The following PANX2 variants were observed in gnomAD, a reference collection of about 807,000 sequenced individuals.
PANX2 encodes pannexin-2.
In PANX2, 30 loss-of-function variants were observed where a neutral mutation model predicts 38.7. That is an observed-to-expected ratio of 0.78 (90% CI 0.58 to 1.05). The LOEUF is 1.05. PANX2 is among the 50% of genes least tolerant of loss of function. The pLI is 0.00. For synonymous variants in PANX2, 539 were observed against 472.1 expected, an observed-to-expected ratio of 1.14 and a Z score of -1.84; for missense variants, 880 against 979.3, an observed-to-expected ratio of 0.90 and a Z score of 1.35.
intron 1 of PANX2, chr22:50,175,568 C>G (rs953125420): frequency 3.2e-6 from 2 of 621,768 alleles, no homozygotes; most frequent in African/African-American, 3.9e-5. Flanking sequence ...CAGCTCATCT[C>G]CAGCTCGATG....
Position 50,177,494 on chromosome 22 carries a change from T to A in PANX2, c.782T>A (p.Leu261Gln). The change falls in exon 2 of 3, where the codon CTG becomes CAG. Residue 261 changes from leucine to glutamine, a missense_variant. By Grantham distance (113) the Leu-to-Gln change is moderately radical. Coordinates refer to ENST00000395842, the MANE Select transcript of PANX2 (RefSeq NM_052839.4). The stretch of plus-strand genomic sequence containing the variant: ...AAGCAGAACGAGTTCACCTGCGCGC[T>A]GGGCGCGTCCCCGGACGGGGCGGCA... ...TQKQNEFTCA[L>Q]GASPDGAAGA... 2 of 1,609,646 alleles carry A rather than the reference T, an allele frequency of 1.2e-6. No individual in the cohort carries two copies.
At chr22:50,174,756 G>A (rs2063653125) in intron 1 of PANX2, among the ~76,000 whole-genome samples, 1 of 152,228 alleles carries the variant, frequency 6.6e-6, no homozygotes, top group African/African-American at 2.4e-5. Context: ...AGCAGTCGCT[G>A]CGTGTGGGAT....
chr22:50,177,908 A>T lies in PANX2; in HGVS notation c.1196A>T (p.Asp399Val). ...SNHDATPTVR[D>V]SGVQTVDPSA... ...CACGACGCCACCCCCACGGTGCGCG[A>T]CTCGGGGGTGCAGACCGTGGACCCC... The change falls in exon 2 of 3, where the codon GAC (aspartate) becomes GTC (valine). Residue 399 changes from aspartate (D) to valine (V), a missense_variant. By Grantham distance (152) the Asp-to-Val change is radical. Transcript: ENST00000395842. 6.5e-7 allele frequency: 1 copy of T among 1,530,166 alleles called. No individual in the cohort carries two copies. Among genetic ancestry groups the T allele is most frequent in the Non-Finnish European group, 8.8e-7 (1 of 1,142,182 alleles). 94.8% of individuals were successfully genotyped at this position (1,530,166 alleles called of 1,614,324 possible).
chr22:50,171,473 G>C (rs1444256977), intron 1 of PANX2, among the ~76,000 whole-genome samples: 1 of 152,188 alleles, frequency 6.6e-6, no homozygotes, highest in Non-Finnish European at 1.5e-5. Flanking sequence ...GGCCTCTCCG[G>C]GTGCACTGGG....
Position 50,178,084 on chromosome 22 carries a change from G to A in PANX2, c.1372G>A (p.Glu458Lys), listed in dbSNP as rs1426085519. ...CATGCGCGTGGAGAACAGCAAGGCG[G>A]AGAAGCCGAAGCCCGCGCGCAGGAA... ...AIMRVENSKAEKPKPARRKTA... is the reference protein window; with the variant it reads ...AIMRVENSKAKKPKPARRKTA... The change falls in exon 2 of 3, where the codon GAG becomes AAG. Residue 458 changes from glutamate to lysine, a missense_variant. Physicochemically the swap from Glu to Lys is moderately conservative, Grantham distance 56 (BLOSUM62 1). Transcript: ENST00000395842. 7 of 1,553,024 alleles carry A rather than the reference G, an allele frequency of 4.5e-6. No homozygotes were observed. Among genetic ancestry groups the A allele is most frequent in the Non-Finnish European group, 5.2e-6 (6 of 1,157,884 alleles).
At position 50,177,713 on chromosome 22, in the gene PANX2, G is replaced by C. The variant is rs139331786; in HGVS notation, c.1001G>C (p.Arg334Pro). The C allele has an allele frequency of 6.2e-7, 1 of 1,610,482 alleles. No individual in the cohort carries two copies. The highest frequency in any genetic ancestry group is 8.5e-7 in the Non-Finnish European group (1 of 1,179,570). ...CACAAGGTGGGCATCAAGACGCGCC[G>C]GCAGTGGCGCCGCTCGCAGTTCTGC... is the stretch of plus-strand genomic sequence containing the variant. ...KLHKVGIKTRRQWRRSQFCDI... is the reference protein window; with the variant it reads ...KLHKVGIKTRPQWRRSQFCDI... The change falls in exon 2 of 3, where the codon CGG becomes CCG. Residue 334 changes from arginine (R) to proline (P), a missense_variant. Transcript: ENST00000395842.
Position 50,170,864 on chromosome 22 carries a change from A to G in PANX2, c.134A>G (p.Lys45Arg), listed in dbSNP as rs1270312811. The G allele has an allele frequency of 6.6e-7, 1 of 1,518,068 alleles. No individual in the cohort carries two copies. The highest frequency in any genetic ancestry group is 8.8e-7 in the Non-Finnish European group (1 of 1,131,760). The allele number at this position is 1,518,068 out of a possible 1,614,324, so 94.0% of individuals were successfully genotyped here. Residue 45 changes from lysine to arginine, a missense_variant, in exon 1 of 3, where the codon AAG becomes AGG. Around this residue, in one of 4 missense-constraint regions of PANX2, gnomAD observed 243 missense variants for 333.1 expected, o/e 0.73. Coordinates refer to ENST00000395842, the MANE Select transcript of PANX2 (RefSeq NM_052839.4). ...GALAALLLQLKLELPFDRVVT... is the reference protein window; with the variant it reads ...GALAALLLQLRLELPFDRVVT... ...CTGGCCGCGCTGCTTCTGCAGCTGA[A>G]GCTGGAGCTGCCGTTCGACCGGGTG...
At chr22:50,173,105 C>T (rs893802689) in intron 1 of PANX2, among the ~76,000 whole-genome samples, 193 of 150,696 alleles carry the variant, frequency 1.3e-3, no homozygotes, top group African/African-American at 4.4e-3. Flanking sequence ...GCCATGTTGG[C>T]CAGGATGGTC....
At position 50,178,927 on chromosome 22, in the gene PANX2, T is replaced by C; in HGVS notation, c.1691-7T>C. ...TGTGAGATGTCTGTGCTCTTGGCTG[T>C]TTGCAGATGCTCCGCTCCCCGAGAA... On this transcript the variant is annotated splice_polypyrimidine_tract_variant and splice_region_variant and intron_variant, in intron 2 of 2. Coordinates refer to ENST00000395842, the MANE Select transcript of PANX2 (RefSeq NM_052839.4). The C allele has an allele frequency of 6.4e-7, 1 of 1,558,008 alleles. No individual in the cohort carries two copies. The highest frequency in any genetic ancestry group is 8.7e-7 in the Non-Finnish European group (1 of 1,150,482).
intron 1 of PANX2, 50 bp downstream of exon 1, chr22:50,171,006 G>GGT (rs2063626791): frequency 1.9e-6 from 2 of 1,053,030 alleles, no homozygotes; most frequent in Non-Finnish European, 2.6e-6. Context: ...GGCGTCCGCA[G>GGT]GTGTCCGGGA....
chr22:50,177,932 C>T lies in PANX2; in HGVS notation c.1220C>T (p.Pro407Leu). The stretch of plus-strand genomic sequence containing the variant: ...GACTCGGGGGTGCAGACCGTGGACC[C>T]CAGCGCCAACCCCGCCGAGCCCGAC... ...VRDSGVQTVDPSANPAEPDGA... is the reference protein window; with the variant it reads ...VRDSGVQTVDLSANPAEPDGA... Residue 407 changes from proline to leucine, a missense_variant, in exon 2 of 3, where the codon CCC (proline) becomes CTC (leucine). Pro to Leu is a moderately conservative substitution (Grantham distance 98, BLOSUM62 -3). Coordinates refer to ENST00000395842, the MANE Select transcript of PANX2 (RefSeq NM_052839.4). The T allele has an allele frequency of 6.5e-7, 1 of 1,531,810 alleles. No homozygotes were observed. The highest frequency in any genetic ancestry group is 8.7e-7 in the Non-Finnish European group (1 of 1,143,720). 94.9% of individuals were successfully genotyped at this position (1,531,810 alleles called of 1,614,324 possible).
At chr22:50,171,123 G>A (rs2063627485) in intron 1 of PANX2, among the ~76,000 whole-genome samples, 167 bp downstream of exon 1, 1 of 152,220 alleles carries the variant, frequency 6.6e-6, no homozygotes, top group Admixed American at 6.5e-5. Flanking sequence ...CATCCTAGCA[G>A]GTGTCGCTGG....
At chr22:50,171,490 C>T (rs1439890441) in intron 1 of PANX2, among the ~76,000 whole-genome samples, 1 of 152,042 alleles carries the variant, frequency 6.6e-6, no homozygotes, top group Non-Finnish European at 1.5e-5. Flanking sequence ...TGGGGGCCTC[C>T]GAAGGTTTGA....
At chr22:50,174,489 T>C (rs2063651801) in intron 1 of PANX2, among the ~76,000 whole-genome samples, 1 of 152,088 alleles carries the variant, frequency 6.6e-6, no homozygotes, top group African/African-American at 2.4e-5. Context: ...CCAACTCTGA[T>C]ATTGTCACTG....
rs766091010 is a variant in PANX2 at position 50,177,150 on chromosome 22, C to T, written c.438C>T (p.Ala146=). ...YVPALGWEFL[A]STRLTSELNF... ...CCGCGCTGGGCTGGGAGTTCCTGGC[C>T]TCCACGCGCCTCACCTCCGAGCTCA... is the stretch of plus-strand genomic sequence containing the variant. The change falls in exon 2 of 3, where the codon GCC becomes GCT. Residue 146 remains alanine, a synonymous_variant. Transcript: ENST00000395842. The T allele has an allele frequency of 6.2e-7, 1 of 1,607,238 alleles. No individual in the cohort carries two copies. Among genetic ancestry groups the T allele is most frequent in the Non-Finnish European group, 8.5e-7 (1 of 1,176,852 alleles).
rs1013399746 is a variant in PANX2 at position 50,175,455 on chromosome 22, T to C, written c.227-1484T>C. ...AGGGTGGACGCTCTTCTCTGGCTCC[T>C]GGGATTGGCTGTGAGGACAAAACAT... On this transcript the variant is annotated intron_variant, in intron 1 of 2. Coordinates refer to ENST00000395842, the MANE Select transcript of PANX2 (RefSeq NM_052839.4). 13 of 1,300,240 alleles carry C rather than the reference T, an allele frequency of 1.0e-5. No individual in the cohort carries two copies. In the East Asian group the frequency reaches 6.7e-4, roughly 67 times the overall value. 80.5% of individuals were successfully genotyped at this position (1,300,240 alleles called of 1,614,324 possible).
Position 50,177,695 on chromosome 22 carries a change from TGG to T in PANX2, c.985_986del (p.Gly329HisfsTer177). 6.2e-7 allele frequency: 1 copy of T among 1,611,784 alleles called. No individual in the cohort carries two copies. Among genetic ancestry groups the T allele is most frequent in the Non-Finnish European group, 8.5e-7 (1 of 1,179,874 alleles). ...TTCATCTTCGACAAGCTGCACAAGG[TGG>T]GCATCAAGACGCGCCGGCAGTGGCG... On this transcript the variant is annotated frameshift_variant, in exon 2 of 3. Transcript: ENST00000395842. LOFTEE classifies it high-confidence loss of function.
chr22:50,173,695 G>A (rs756213112), intron 1 of PANX2, among the ~76,000 whole-genome samples: 24 of 152,238 alleles, frequency 1.6e-4, no homozygotes, highest in Non-Finnish European at 1.9e-4. Context: ...AGTCTCATGG[G>A]GCTAAAACGA....
At position 50,179,616 on chromosome 22, in the gene PANX2, G is replaced by C. The variant is rs149932269; in HGVS notation, c.*339G>C. Reference sequence around the variant, plus strand: ...AGAGTTTATTTTTTTAGTCCGTTTCGTCCTGGCCCCGGGCTGTGGCGAGAC... The same window carrying C: ...AGAGTTTATTTTTTTAGTCCGTTTCCTCCTGGCCCCGGGCTGTGGCGAGAC... On this transcript the variant is annotated 3_prime_UTR_variant, in exon 3 of 3. Coordinates refer to ENST00000395842, the MANE Select transcript of PANX2 (RefSeq NM_052839.4). The C allele has an allele frequency of 1.1e-5, 3 of 284,046 alleles. No individual in the cohort carries two copies. The South Asian group carries it at 1.2e-4, about 11-fold the overall frequency. The allele number at this position is 284,046 out of a possible 1,614,324, so 17.6% of individuals were successfully genotyped here. A position where few individuals can be genotyped will look rare whatever the true frequency, so the allele number is the denominator to read the frequency against.
Sources: allele counts gnomAD v4.1 joint callset (sites outside exome capture counted in the v4.1 genomes callset), GRCh38; gene constraint gnomAD v4.1.1; regional missense constraint gnomAD v4.1.1; transcripts MANE v1.5; gene names NCBI Gene and HGNC (gene_info 2026-07-23, HGNC 2026-07-21).